MPHOSPH9: variants seen among roughly 807,000 people sequenced by gnomAD.
The protein encoded by MPHOSPH9 is M-phase phosphoprotein 9.
MPHOSPH9 carries 88 observed loss-of-function variants against 145.5 expected under a neutral mutation model. That is an observed-to-expected ratio of 0.60 (90% CI 0.51 to 0.72). The LOEUF (loss-of-function observed/expected upper bound fraction) is 0.72, where lower values mean the gene tolerates loss of function less well. Among genes scored for constraint, MPHOSPH9 ranks in the 30% least tolerant of loss-of-function variants. MPHOSPH9 has a pLI of 0.00. For missense variants in MPHOSPH9, 1,238 were observed against 1,386.6 expected (o/e 0.89, Z 1.70); for synonymous variants, 435 against 486.2 (o/e 0.89, Z 1.39).
In MPHOSPH9 at chr12:123,185,623, TA is replaced by T. The variant is rs2045409434; in HGVS notation, c.2242-4414del. ...CAGGTGTGATAGCCTGTAGTGTCTG[TA>T]GTCTCAGCAGTCGGAGAGGCTGAGG... is the stretch of plus-strand genomic sequence containing the variant. On this transcript the variant is annotated intron_variant, in intron 13 of 23. Transcript: ENST00000606320. 2.6e-5 allele frequency among the ~76,000 whole-genome samples: 4 copies of T among 152,022 alleles called. No homozygotes were observed. The South Asian group carries it at 8.3e-4, about 32-fold the overall frequency.
At chr12:123,236,153 T>C (rs565066814), upstream of MPHOSPH9, among the ~76,000 whole-genome samples, 34 of 152,116 alleles carry the variant, frequency 2.2e-4, no homozygotes, top group Middle Eastern at 3.4e-3. Context: ...TCTGGAGATA[T>C]GAAAGGTAAT....
chr12:123,202,777 G>A lies in MPHOSPH9; in HGVS notation c.1628C>T (p.Thr543Ile). The A allele has an allele frequency of 1.2e-6, 2 of 1,614,190 alleles. No individual in the cohort carries two copies. Among genetic ancestry groups the A allele is most frequent in the Non-Finnish European group, 8.5e-7 (1 of 1,180,042 alleles). ...AGTGTTGACCGAGATATCATTACTA[G>A]TAATGGTATATACTGACGGAAACGT... ...SSTFPSVYTITSNDISVNTVD... is the reference protein window; with the variant it reads ...SSTFPSVYTIISNDISVNTVD... The change falls in exon 10 of 24, where the codon ACT becomes ATT. Residue 543 changes from threonine (T) to isoleucine (I), a missense_variant. Thr to Ile is a moderately conservative substitution (Grantham distance 89). Transcript: ENST00000606320.
At chr12:123,181,316 G>T (rs1225943812) in intron 13 of MPHOSPH9, 106 bp from the exon 14 acceptor site, 2 of 874,160 alleles carry the variant, frequency 2.3e-6, no homozygotes, top group Non-Finnish European at 3.6e-6. Context: ...AAATGCCAAT[G>T]TCATGAAAGA....
chr12:123,216,795 C>A (rs1456676502), intron 6 of MPHOSPH9, among the ~76,000 whole-genome samples: 2 of 152,028 alleles, frequency 1.3e-5, no homozygotes, highest in Non-Finnish European at 2.9e-5. Context: ...GTCTGGCCAG[C>A]CTAACCAACA....
chr12:123,233,445 G>A (rs984026951), upstream of MPHOSPH9: 2 of 152,346 alleles, frequency 1.3e-5, no homozygotes, highest in Admixed American at 6.5e-5. Flanking sequence ...CGCGTGCGCA[G>A]ATCAGGGATC....
intron 19 of MPHOSPH9, 114 bp downstream of exon 19, chr12:123,163,836 T>C: frequency 7.9e-7 from 1 of 1,271,912 alleles, no homozygotes; most frequent in Non-Finnish European, 1.1e-6. Flanking sequence ...CAGAGTACTC[T>C]ACTAGGTGCT....
At chr12:123,215,629 G>T (rs2046921216) in intron 6 of MPHOSPH9, among the ~76,000 whole-genome samples, 1 of 152,108 alleles carries the variant, frequency 6.6e-6, no homozygotes, top group Admixed American at 6.6e-5. Context: ...AGTAGTCCCT[G>T]CTTACTTATC....
At chr12:123,167,119 G>C (rs1286465672) in intron 16 of MPHOSPH9, among the ~76,000 whole-genome samples, 1 of 152,122 alleles carries the variant, frequency 6.6e-6, no homozygotes, top group Non-Finnish European at 1.5e-5. Flanking sequence ...GAAGGAAGCA[G>C]GGCTGCCCTT....
Position 123,220,795 on chromosome 12 carries a change from C to T in MPHOSPH9, c.872+577G>A, listed in dbSNP as rs1037906315. 7.9e-5 allele frequency among the ~76,000 whole-genome samples: 12 copies of T among 151,732 alleles called. No homozygotes were observed. The South Asian group carries it at 1.0e-3, about 13-fold the overall frequency. On this transcript the variant is annotated intron_variant, in intron 5 of 23. Transcript: ENST00000606320. ...TTGTGGCTGGGCGAGGTGGCTCACA[C>T]CTGTAATCCCAGCACTTTGGGAGGC... is the stretch of plus-strand genomic sequence containing the variant.
chr12:123,211,246 A>G (rs574917278), intron 7 of MPHOSPH9, among the ~76,000 whole-genome samples: 1 of 152,054 alleles, frequency 6.6e-6, no homozygotes, highest in South Asian at 2.1e-4. Context: ...CGGCCTCCCA[A>G]AGTGCTGGGA....
At chr12:123,217,268 G>A (rs1170205619) in intron 6 of MPHOSPH9, among the ~76,000 whole-genome samples, 1 of 151,594 alleles carries the variant, frequency 6.6e-6, no homozygotes, top group African/African-American at 2.4e-5. Context: ...CGTGATCTTG[G>A]CTCACTGCAA....
intron 8 of MPHOSPH9, 42 bp downstream of exon 8, chr12:123,210,014 G>A (rs1398471277): frequency 7.0e-7 from 1 of 1,435,086 alleles, no homozygotes; most frequent in South Asian, 1.2e-5. Flanking sequence ...GGGATTACAG[G>A]CGTAAGCCAC....
At chr12:123,165,248 A>AT in intron 18 of MPHOSPH9, 54 bp downstream of exon 18, 1 of 1,467,070 alleles carries the variant, frequency 6.8e-7, no homozygotes, top group Non-Finnish European at 9.3e-7. Flanking sequence ...CGAAGGTAAT[A>AT]TAAATGGGGA....
intron 5 of MPHOSPH9, among the ~76,000 whole-genome samples, chr12:123,221,164 C>T (rs1179985119): frequency 2.0e-5 from 3 of 152,140 alleles, no homozygotes; most frequent in Non-Finnish European, 2.9e-5. Context: ...GCAAAGCTTC[C>T]GACCTTAAGA....
chr12:123,193,945 CATAT>C (rs541524856), intron 13 of MPHOSPH9, among the ~76,000 whole-genome samples: 1 of 151,852 alleles, frequency 6.6e-6, no homozygotes, highest in Non-Finnish European at 1.5e-5. Flanking sequence ...CAGGAAGGTA[CATAT>C]TCACAGTTGC....
At chr12:123,161,979 G>A in intron 21 of MPHOSPH9, 136 bp downstream of exon 21, 1 of 492,450 alleles carries the variant, frequency 2.0e-6, no homozygotes, top group Non-Finnish European at 3.5e-6. Flanking sequence ...AGCATCATGA[G>A]TGCTTAGTTT....
At chr12:123,162,850 C>T in intron 20 of MPHOSPH9, 164 bp downstream of exon 20, 1 of 615,870 alleles carries the variant, frequency 1.6e-6, no homozygotes, top group Non-Finnish European at 2.5e-6. Flanking sequence ...GTTCATTGTA[C>T]TGCAGTACTT....
At chr12:123,241,158 GTTTT>G (rs1263874829) in intron 1 of MPHOSPH9, among the ~76,000 whole-genome samples, 1 of 132,684 alleles carries the variant, frequency 7.5e-6, no homozygotes, top group African/African-American at 2.7e-5. Flanking sequence ...TTTTGTTTTT[GTTTT>G]TTTTTTAATA....
chr12:123,218,320 T>TC, intron 6 of MPHOSPH9, 56 bp downstream of exon 6: 1 of 1,606,058 alleles, frequency 6.2e-7, no homozygotes, highest in South Asian at 1.1e-5. Flanking sequence ...GAGCGTGTAC[T>TC]AAACCCACAT....
Sources: gnomAD v4.1 joint callset for allele counts (sites outside exome capture counted in the v4.1 genomes callset) on GRCh38, gnomAD v4.1.1 for gene constraint, MANE v1.5 for transcripts, NCBI Gene and HGNC (gene_info 2026-07-23, HGNC 2026-07-21) for gene names.